The following ARHGAP28 variants were observed in gnomAD, a reference collection of about 807,000 sequenced individuals.
ARHGAP28 encodes Rho GTPase activating protein 28.
A neutral mutation model predicts 90.7 loss-of-function variants in ARHGAP28; 56 were observed. That is an observed-to-expected ratio of 0.62 (90% CI 0.50 to 0.77). ARHGAP28 has a LOEUF of 0.77. ARHGAP28 is among the 30% of genes least tolerant of loss of function. The pLI, the probability that ARHGAP28 is intolerant of heterozygous loss-of-function variation, is 0.00. For synonymous variants in ARHGAP28, 308 were observed against 323.3 expected (o/e 0.95, Z 0.51); for missense variants, 869 against 900.9 (o/e 0.96, Z 0.45).
intron 1 of ARHGAP28, among the ~76,000 whole-genome samples, chr18:6,772,579 G>T (rs1455318873): frequency 1.3e-5 from 2 of 152,140 alleles, no homozygotes; most frequent in Non-Finnish European, 2.9e-5. Flanking sequence ...TAAGCTTTGT[G>T]TTAGAGGATT....
chr18:6,860,003 A>G (rs764632133), intron 5 of ARHGAP28, 106 bp downstream of exon 5: 54 of 982,876 alleles, frequency 5.5e-5, no homozygotes, highest in Non-Finnish European at 7.4e-5. Flanking sequence ...ATTAAAAAAT[A>G]CTTGAGCTAA....
intron 3 of ARHGAP28, among the ~76,000 whole-genome samples, chr18:6,848,277 A>C (rs1413086097): frequency 6.6e-6 from 1 of 152,160 alleles, no homozygotes; most frequent in Admixed American, 6.5e-5. Flanking sequence ...TTTTCTGCAG[A>C]GCTCTCAATA....
chr18:6,800,947 C>T (rs1870739114), intron 1 of ARHGAP28, among the ~76,000 whole-genome samples: 1 of 152,100 alleles, frequency 6.6e-6, no homozygotes, highest in Non-Finnish European at 1.5e-5. Flanking sequence ...ATATGATTTG[C>T]CATTATTTTC....
intron 1 of ARHGAP28, among the ~76,000 whole-genome samples, chr18:6,813,925 T>G (rs2056573611): frequency 6.6e-6 from 1 of 152,072 alleles, no homozygotes; most frequent in African/African-American, 2.4e-5. Flanking sequence ...GGATCCTCTG[T>G]TTCATTGGAA....
chr18:6,816,925 T>G (rs1457073013), intron 1 of ARHGAP28, among the ~76,000 whole-genome samples: 1 of 151,504 alleles, frequency 6.6e-6, no homozygotes, highest in African/African-American at 2.4e-5. Context: ...TCATCTGTAC[T>G]AAAAACAAAA....
At chr18:6,907,628 C>T (rs2057371212) in intron 16 of ARHGAP28, among the ~76,000 whole-genome samples, 1 of 152,044 alleles carries the variant, frequency 6.6e-6, no homozygotes, top group South Asian at 2.1e-4. Context: ...TAGGGAAGTG[C>T]TGCTGGGGGT....
chr18:6,887,191 A>G lies in ARHGAP28; in HGVS notation c.1488A>G (p.Leu496=). 2.5e-6 allele frequency: 4 copies of G among 1,614,196 alleles called. No homozygotes were observed. Among genetic ancestry groups the G allele is most frequent in the Non-Finnish European group, 3.4e-6 (4 of 1,180,032 alleles). ...ACGTCAAAGTACAGTTTCAAGCCTT[A>G]CACCTCATGGTCATGGCGCTGCCTG... is the stretch of plus-strand genomic sequence containing the variant. ...GPHVKVQFQA[L]HLMVMALPDA... Residue 496 remains leucine (L), a synonymous_variant, in exon 12 of 18, where the codon TTA becomes TTG. Transcript: ENST00000383472.
intron 1 of ARHGAP28, among the ~76,000 whole-genome samples, chr18:6,799,432 A>G (rs1449675846): frequency 6.6e-6 from 1 of 152,210 alleles, no homozygotes; most frequent in Non-Finnish European, 1.5e-5. Flanking sequence ...TAGCCAAGAC[A>G]ATCCTAAGCA....
chr18:6,864,865 A>G (rs1043450917), intron 5 of ARHGAP28, among the ~76,000 whole-genome samples: 1 of 151,806 alleles, frequency 6.6e-6, no homozygotes, highest in African/African-American at 2.4e-5. Flanking sequence ...TTTTTTTTTA[A>G]GTAGAGATGA....
intron 16 of ARHGAP28, among the ~76,000 whole-genome samples, chr18:6,908,260 C>T (rs1470170561): frequency 1.3e-5 from 2 of 152,112 alleles, no homozygotes; most frequent in Non-Finnish European, 2.9e-5. Flanking sequence ...GCCTCGGCCT[C>T]CTGGGTAGCT....
intron 1 of ARHGAP28, among the ~76,000 whole-genome samples, chr18:6,743,593 T>C (rs1410814053): frequency 6.6e-6 from 1 of 152,202 alleles, no homozygotes; most frequent in Non-Finnish European, 1.5e-5. Flanking sequence ...ATTGATAACA[T>C]GCATAGAAAT....
At chr18:6,788,366 C>A in intron 1 of ARHGAP28, 1 of 152,828 alleles carries the variant, frequency 6.5e-6, no homozygotes, top group South Asian at 1.9e-4. Flanking sequence ...CCTGTACAGC[C>A]TGTGCAACTG....
chr18:6,876,490 G>A, intron 10 of ARHGAP28, among the ~76,000 whole-genome samples: 1 of 152,164 alleles, frequency 6.6e-6, no homozygotes, highest in East Asian at 1.9e-4. Flanking sequence ...TGGAAAAAAT[G>A]AAATAGCACA....
chr18:6,733,441 T>TA (rs1323287994), intron 1 of ARHGAP28, among the ~76,000 whole-genome samples: 4 of 152,130 alleles, frequency 2.6e-5, no homozygotes, highest in Non-Finnish European at 4.4e-5. Context: ...ATTTCTTTTT[T>TA]TATATATAAT....
chr18:6,911,922 A>G (rs373762666), intron 17 of ARHGAP28, 138 bp from the exon 18 acceptor site: 3 of 440,722 alleles, frequency 6.8e-6, no homozygotes, highest in East Asian at 3.4e-5. Context: ...AAGAAACCTT[A>G]ACATATGTCT....
chr18:6,797,376 G>A (rs2056448861), intron 1 of ARHGAP28, among the ~76,000 whole-genome samples: 1 of 152,198 alleles, frequency 6.6e-6, no homozygotes, highest in African/African-American at 2.4e-5. Flanking sequence ...CGTAGTCTGA[G>A]CATCTGTCTT....
At chr18:6,805,366 CT>C (rs369084995) in intron 1 of ARHGAP28, among the ~76,000 whole-genome samples, 7 of 151,602 alleles carry the variant, frequency 4.6e-5, no homozygotes, top group African/African-American at 1.7e-4. Flanking sequence ...GCCACTACAA[CT>C]TTCATTTGAT....
intron 1 of ARHGAP28, among the ~76,000 whole-genome samples, chr18:6,812,749 A>G (rs372401710): frequency 1.2e-4 from 19 of 152,296 alleles, no homozygotes; most frequent in African/African-American, 4.3e-4. Flanking sequence ...AGCCACTATC[A>G]AATTATTTAT....
rs142301237 is a variant in ARHGAP28 at position 6,894,878 on chromosome 18, C to T, written c.1892C>T (p.Ser631Leu). Reference protein sequence around the residue: ...KTSKVLQKSPSARRMSDVPEG... With the variant: ...KTSKVLQKSPLARRMSDVPEG... ...TCAAAGGTACTGCAAAAATCACCCT[C>T]GGCAAGACGAATGGTAAGAAAAATA... The change falls in exon 15 of 18, where the codon TCG becomes TTG. Residue 631 changes from serine to leucine, a missense_variant. Physicochemically the swap from Ser to Leu is moderately radical, Grantham distance 145. Transcript: ENST00000383472. The T allele has an allele frequency of 8.7e-6, 14 of 1,613,944 alleles. No homozygotes were observed. The Admixed American group carries it at 1.0e-4, about 12-fold the overall frequency.
Sources: gnomAD v4.1 joint callset for allele counts (sites outside exome capture counted in the v4.1 genomes callset) on GRCh38, gnomAD v4.1.1 for gene constraint, MANE v1.5 for transcripts, NCBI Gene and HGNC (gene_info 2026-07-23, HGNC 2026-07-21) for gene names.